The following CCSER1 variants were observed in gnomAD, a reference collection of about 807,000 sequenced individuals.
CCSER1 encodes the protein coiled-coil serine rich protein 1.
CCSER1 carries 41 observed loss-of-function variants against 82.0 expected under a neutral mutation model. The observed-to-expected ratio is 0.50, with a 90% CI of 0.39 to 0.65. The LOEUF (loss-of-function observed/expected upper bound fraction) is 0.65, where lower values mean the gene tolerates loss of function less well. CCSER1 is among the 30% of genes least tolerant of loss of function. The pLI is 0.00. For synonymous variants in CCSER1, 414 were observed against 383.9 expected (o/e 1.08, Z -0.92); for missense variants, 1,119 against 1,064.2 (o/e 1.05, Z -0.72).
At chr4:91,228,753 G>GA (rs1238329966) in intron 10 of CCSER1, among the ~76,000 whole-genome samples, 1 of 151,952 alleles carries the variant, frequency 6.6e-6, no homozygotes, top group Non-Finnish European at 1.5e-5. Flanking sequence ...ATAAGAACAA[G>GA]AAAAAATATT....
rs1342004990 is a variant in CCSER1 at position 90,833,199 on chromosome 4, C to T, written c.2094+17354C>T. Among the ~76,000 whole-genome samples, 5 of 152,130 alleles carry T rather than the reference C, an allele frequency of 3.3e-5. No homozygotes were observed. In the East Asian group the frequency reaches 5.8e-4, roughly 18 times the overall value. Reference sequence around the variant, plus strand: ...CTTTTACCCTGCTTCCAAGATGACACCTTGTTGCTGCGCTGTGTCCTCAAA... The same window carrying T: ...CTTTTACCCTGCTTCCAAGATGACATCTTGTTGCTGCGCTGTGTCCTCAAA... On this transcript the variant is annotated intron_variant, in intron 8 of 10. Transcript: ENST00000509176.
At position 90,898,545 on chromosome 4, in the gene CCSER1, C is replaced by T. The variant is rs368158026; in HGVS notation, c.2095-24825C>T. Among the ~76,000 whole-genome samples the T allele has an allele frequency of 2.0e-4, 30 of 151,558 alleles. No homozygotes were observed. In the East Asian group the frequency reaches 2.1e-3, roughly 11 times the overall value. The stretch of plus-strand genomic sequence containing the variant: ...TCAGGTGATTCCCCCGCCTTGGCCT[C>T]CCAAAGTGGTGGAATTACAGGTGTG... On this transcript the variant is annotated intron_variant, in intron 8 of 10. Transcript: ENST00000509176.
At chr4:90,298,834 A>G (rs1430074020) in intron 1 of CCSER1, among the ~76,000 whole-genome samples, 5 of 152,098 alleles carry the variant, frequency 3.3e-5, no homozygotes, top group Non-Finnish European at 7.4e-5. Flanking sequence ...TTATGCATTC[A>G]CTGTGTCTAA....
chr4:91,549,634 C>T (rs1188960918), intron 10 of CCSER1, among the ~76,000 whole-genome samples: 4 of 151,982 alleles, frequency 2.6e-5, no homozygotes, highest in Admixed American at 6.6e-5. Flanking sequence ...CTCAGGAGTT[C>T]GAGACCAGCT....
At chr4:91,270,848 G>A (rs1044079960) in intron 10 of CCSER1, among the ~76,000 whole-genome samples, 5 of 152,036 alleles carry the variant, frequency 3.3e-5, no homozygotes, top group Admixed American at 6.6e-5. Flanking sequence ...ATATAATAAA[G>A]CATTTTAAAT....
intron 10 of CCSER1, among the ~76,000 whole-genome samples, chr4:91,280,683 G>A (rs938674234): frequency 4.6e-5 from 7 of 152,112 alleles, no homozygotes. Flanking sequence ...GGCCACAGGT[G>A]GTGTCTATAA....
intron 10 of CCSER1, among the ~76,000 whole-genome samples, chr4:91,578,205 A>G (rs1245006446): frequency 6.6e-6 from 1 of 151,998 alleles, no homozygotes; most frequent in East Asian, 1.9e-4. Flanking sequence ...TTCTGTCAAT[A>G]TCCATAAAAC....
chr4:90,953,942 A>G (rs1191962679), intron 9 of CCSER1, among the ~76,000 whole-genome samples: 1 of 151,992 alleles, frequency 6.6e-6, no homozygotes, highest in Non-Finnish European at 1.5e-5. Flanking sequence ...AGTTGTCATA[A>G]CAAAAGAGGT....
intron 4 of CCSER1, among the ~76,000 whole-genome samples, chr4:90,413,981 A>AATATATATATATATATATAT (rs70963066): frequency 7.8e-4 from 41 of 52,422 alleles, no homozygotes; most frequent in African/African-American, 2.5e-3. Context: ...AAAAAAAAAA[A>AATATATATATATATATATAT]ATATATATAT....
chr4:90,235,471 C>T (rs1361476379), intron 1 of CCSER1: 1 of 152,190 alleles, frequency 6.6e-6, no homozygotes, highest in Non-Finnish European at 1.5e-5. Context: ...CAATGATCCA[C>T]TAGCCCTGGA....
At chr4:91,259,850 T>G (rs1581858966) in intron 10 of CCSER1, among the ~76,000 whole-genome samples, 1 of 152,268 alleles carries the variant, frequency 6.6e-6, no homozygotes, top group East Asian at 1.9e-4. Context: ...TGATGGGCAT[T>G]TGGGTTGGTT....
At chr4:91,437,933 C>T (rs1034795618) in intron 10 of CCSER1, among the ~76,000 whole-genome samples, 15 of 152,288 alleles carry the variant, frequency 9.8e-5, no homozygotes, top group African/African-American at 1.7e-4. Context: ...GGGGGAGGGG[C>T]GCCCGCCATT....
At chr4:91,278,647 A>G (rs867077934) in intron 10 of CCSER1, among the ~76,000 whole-genome samples, 1 of 151,992 alleles carries the variant, frequency 6.6e-6, no homozygotes, top group African/African-American at 2.4e-5. Flanking sequence ...TAGCCAGTCT[A>G]TATCTTTTAA....
Position 90,693,393 on chromosome 4 carries a change from AAGTTAG to A in CCSER1, c.1933-30516_1933-30511del, listed in dbSNP as rs1442649160. 7.9e-5 allele frequency: 12 copies of A among 152,068 alleles called. No individual in the cohort carries two copies. The South Asian group carries it at 2.5e-3, about 32-fold the overall frequency. The allele number at this position is 152,068 out of a possible 1,614,324, so 9.4% of individuals were successfully genotyped here. A position where few individuals can be genotyped will look rare whatever the true frequency, so the allele number is the denominator to read the frequency against. On this transcript the variant is annotated intron_variant, in intron 6 of 10. Coordinates refer to ENST00000509176, the MANE Select transcript of CCSER1 (RefSeq NM_001145065.2). ...ATTTTCTTTTACTCTTCCCAGCTACAAGTTAGAGTTGGATTATCTACATTACGAAGA... is the reference window on the plus strand; with the variant it reads ...ATTTTCTTTTACTCTTCCCAGCTACAAGTTGGATTATCTACATTACGAAGA...
At chr4:91,383,538 G>C (rs1334323286) in intron 10 of CCSER1, among the ~76,000 whole-genome samples, 1 of 152,006 alleles carries the variant, frequency 6.6e-6, no homozygotes, top group African/African-American at 2.4e-5. Flanking sequence ...GTAAATACTA[G>C]TGAAACTTTA....
chr4:90,137,484 A>G (rs970719524), intron 1 of CCSER1, among the ~76,000 whole-genome samples: 1 of 152,190 alleles, frequency 6.6e-6, no homozygotes. Flanking sequence ...AGTGGTAACT[A>G]TCCAGTGAGG....
intron 4 of CCSER1, among the ~76,000 whole-genome samples, chr4:90,421,308 GGA>G (rs1756655924): frequency 6.6e-6 from 1 of 152,056 alleles, no homozygotes; most frequent in South Asian, 2.1e-4. Flanking sequence ...AGCTTATGAT[GGA>G]ATTGGGAAAC....
At chr4:90,165,155 T>C (rs1730222252) in intron 1 of CCSER1, among the ~76,000 whole-genome samples, 1 of 152,100 alleles carries the variant, frequency 6.6e-6, no homozygotes, top group Non-Finnish European at 1.5e-5. Context: ...CTTCATTAGT[T>C]GATAGAAGCT....
intron 9 of CCSER1, among the ~76,000 whole-genome samples, chr4:90,932,408 C>G (rs999396408): frequency 6.6e-6 from 1 of 152,072 alleles, no homozygotes; most frequent in African/African-American, 2.4e-5. Context: ...GAGAAAAGTA[C>G]TTAAACAGGT....
Sources: gnomAD v4.1 joint callset for allele counts (sites outside exome capture counted in the v4.1 genomes callset) on GRCh38, gnomAD v4.1.1 for gene constraint, MANE v1.5 for transcripts, NCBI Gene and HGNC (gene_info 2026-07-23, HGNC 2026-07-21) for gene names.